UBE3A: variants seen among roughly 807,000 people sequenced by gnomAD.
UBE3A encodes the protein ubiquitin-protein ligase E3A.
Under a neutral mutation model 83.4 loss-of-function variants are expected in UBE3A, and 6 were observed. That is an observed-to-expected ratio of 0.07 (90% CI 0.04 to 0.14). The LOEUF (loss-of-function observed/expected upper bound fraction) is 0.14. UBE3A is among the 10% of genes least tolerant of loss of function. The pLI, the probability that UBE3A is intolerant of heterozygous loss-of-function variation, is 1.00. For missense variants in UBE3A, 456 were observed against 1,036.1 expected, an observed-to-expected ratio of 0.44 and a Z score of 7.69; for synonymous variants, 337 against 355.4, an observed-to-expected ratio of 0.95 and a Z score of 0.58.
chr15:25,340,569 T>C (rs2074570745), intron 11 of UBE3A, among the ~76,000 whole-genome samples: 1 of 152,082 alleles, frequency 6.6e-6, no homozygotes, highest in Non-Finnish European at 1.5e-5. Context: ...ATCCTATGAA[T>C]TGAAAAAGAC....
intron 11 of UBE3A, among the ~76,000 whole-genome samples, chr15:25,351,818 C>T (rs1347584189): frequency 6.6e-6 from 1 of 152,182 alleles, no homozygotes; most frequent in Non-Finnish European, 1.5e-5. Flanking sequence ...AATGTCCTTC[C>T]TTGTCACTTT....
intron 4 of UBE3A, among the ~76,000 whole-genome samples, chr15:25,403,954 T>A (rs547118593): frequency 1.4e-4 from 21 of 152,176 alleles, no homozygotes; most frequent in South Asian, 4.2e-4. Context: ...GATAAGGAAA[T>A]GAGGAATTAT....
At chr15:25,419,302 GAC>G (rs1164640260) in intron 1 of UBE3A, 4 of 152,098 alleles carry the variant, frequency 2.6e-5, no homozygotes, top group Non-Finnish European at 4.4e-5. Context: ...CATAAAAAAA[GAC>G]ACTAGAAGAA....
At chr15:25,364,641 G>GTTTTTTTTTTTTTTTTTTTTTT (rs1260418313) in intron 6 of UBE3A, among the ~76,000 whole-genome samples, 1 of 132,484 alleles carries the variant, frequency 7.5e-6, no homozygotes, top group African/African-American at 3.1e-5. Flanking sequence ...GGTTTTTTTT[G>GTTTTTTTTTTTTTTTTTTTTTT]TTTGTTTTTT....
At chr15:25,343,276 T>C (rs1314106308) in intron 11 of UBE3A, among the ~76,000 whole-genome samples, 3 of 152,074 alleles carry the variant, frequency 2.0e-5, no homozygotes, top group Admixed American at 6.5e-5. Context: ...AACTTTCCGG[T>C]AGACAAAAGT....
intron 3 of UBE3A, chr15:25,408,619 C>A: frequency 6.2e-7 from 1 of 1,613,902 alleles, no homozygotes; most frequent in Non-Finnish European, 8.5e-7. Flanking sequence ...TGGTGGCTCA[C>A]TTCCAATAAC....
intron 4 of UBE3A, among the ~76,000 whole-genome samples, chr15:25,382,991 A>T (rs2082461141): frequency 6.6e-6 from 1 of 152,188 alleles, no homozygotes; most frequent in Admixed American, 6.5e-5. Context: ...CCAAACATTT[A>T]AAAACTAACA....
chr15:25,350,458 C>T (rs868768053), intron 11 of UBE3A, among the ~76,000 whole-genome samples: 15 of 151,798 alleles, frequency 9.9e-5, no homozygotes, highest in South Asian at 4.2e-4. Context: ...CAAAAAAAAG[C>T]AAAACTAAGG....
rs781556374 is a variant in UBE3A, at chr15:25,356,880, A to G, written c.1770T>C (p.Asp590=). The G allele has an allele frequency of 6.2e-7, 1 of 1,613,550 alleles. No individual in the cohort carries two copies. Among genetic ancestry groups the G allele is most frequent in the African/African-American group, 1.3e-5 (1 of 75,052 alleles). Residue 590 remains aspartate (D), a synonymous_variant, in exon 8 of 13, where the codon GAT becomes GAC. Coordinates refer to ENST00000648336, the MANE Select transcript of UBE3A (RefSeq NM_130839.5). ...FNPDIGMFTY[D]ESTKLFWFNP... ...TAAACCAAAACAATTTTGTAGATTC[A>G]TCGTATGTGAACATACCTATAAGAA...
At chr15:25,402,614 C>A (rs2087439160) in intron 4 of UBE3A, among the ~76,000 whole-genome samples, 2 of 152,126 alleles carry the variant, frequency 1.3e-5, no homozygotes, top group Non-Finnish European at 2.9e-5. Flanking sequence ...TGGGGGCCTG[C>A]CTAGCATTGA....
At chr15:25,351,503 T>A (rs1198577795) in intron 11 of UBE3A, among the ~76,000 whole-genome samples, 3 of 152,210 alleles carry the variant, frequency 2.0e-5, no homozygotes, top group Non-Finnish European at 2.9e-5. Context: ...GGAATCTCAC[T>A]CTGTTGCCCA....
At chr15:25,407,317 C>A in intron 3 of UBE3A, 11 of 993,414 alleles carry the variant, frequency 1.1e-5, no homozygotes, top group South Asian at 6.7e-5. Context: ...GCAAAACTTT[C>A]AAAATTAACA....
intron 6 of UBE3A, among the ~76,000 whole-genome samples, chr15:25,369,927 A>C (rs2080027825): frequency 6.6e-6 from 1 of 152,114 alleles, no homozygotes; most frequent in Non-Finnish European, 1.5e-5. Flanking sequence ...ACTAATCCCC[A>C]GATTTTTGGA....
intron 11 of UBE3A, among the ~76,000 whole-genome samples, chr15:25,351,919 T>C (rs535275988): frequency 4.3e-4 from 65 of 152,174 alleles, no homozygotes; most frequent in Non-Finnish European, 7.2e-4. Flanking sequence ...TTTTGCTAGG[T>C]ATGGTGGCTC....
chr15:25,370,455 G>A lies in UBE3A; in HGVS notation c.1608+111C>T. On this transcript the variant is annotated intron_variant, in intron 6 of 12. Transcript: ENST00000648336. This position sits in a 1 kb window ranked among gnomAD's most constrained non-coding sequence, Gnocchi z 4.2. Reference sequence around the variant, plus strand: ...CTTATATAAGATCAGAAATGTCCATGTGTTCCTATGCTATATGGTATCATT... The same window carrying A: ...CTTATATAAGATCAGAAATGTCCATATGTTCCTATGCTATATGGTATCATT... The A allele has an allele frequency of 4.8e-6, 6 of 1,252,520 alleles. No individual in the cohort carries two copies. Among genetic ancestry groups the A allele is most frequent in the Non-Finnish European group, 7.0e-6 (6 of 854,090 alleles). The allele number at this position is 1,252,520 out of a possible 1,614,324, so 77.6% of individuals were successfully genotyped here.
chr15:25,341,756 T>C (rs1009640072), intron 11 of UBE3A, among the ~76,000 whole-genome samples: 3 of 103,062 alleles, frequency 2.9e-5, no homozygotes, highest in African/African-American at 8.3e-5. Context: ...TTTTGAGCCA[T>C]CTCAAAAAAA....
chr15:25,437,877 G>C (rs1177321271), intron 1 of UBE3A, among the ~76,000 whole-genome samples: 1 of 151,892 alleles, frequency 6.6e-6, no homozygotes, highest in Admixed American at 6.6e-5. Flanking sequence ...CCAACTGCTT[G>C]CATACAGGTC....
chr15:25,399,997 T>G (rs2086684923), intron 4 of UBE3A, among the ~76,000 whole-genome samples: 1 of 152,220 alleles, frequency 6.6e-6, no homozygotes, highest in South Asian at 2.1e-4. Flanking sequence ...TTTGGCTATT[T>G]AGGATCTTAT....
At chr15:25,388,610 G>A (rs2083630951) in intron 4 of UBE3A, among the ~76,000 whole-genome samples, 1 of 151,798 alleles carries the variant, frequency 6.6e-6, no homozygotes, top group Non-Finnish European at 1.5e-5. Context: ...GCTAAGACAA[G>A]AAAAGGAAAT....
Sources: gnomAD v4.1 joint callset for allele counts (sites outside exome capture counted in the v4.1 genomes callset) on GRCh38, gnomAD v4.1.1 for gene constraint, Gnocchi (gnomAD v3.1) non-coding constraint, MANE v1.5 for transcripts, NCBI Gene and HGNC (gene_info 2026-07-23, HGNC 2026-07-21) for gene names.